Variants in CDC42BPA observed in about 807,000 individuals in gnomAD.
The protein encoded by CDC42BPA is serine/threonine-protein kinase MRCK alpha.
CDC42BPA carries 80 observed loss-of-function variants against 223.5 expected under a neutral mutation model. The ratio of observed to expected loss-of-function variants is 0.36; its 90% CI spans 0.30 to 0.43. CDC42BPA has a LOEUF of 0.43. Ranked by LOEUF, CDC42BPA falls within the 20% of genes least tolerant of loss-of-function variation. The probability of loss-of-function intolerance (pLI) is 1.00; values close to 1 mark genes in which losing one functional copy is unlikely to be tolerated. For missense variants in CDC42BPA, 1,743 were observed against 2,099.9 expected (o/e 0.83, Z 3.32); for synonymous variants, 694 against 718.6 (o/e 0.97, Z 0.55).
chr1:227,227,517 T>C (rs2147934734), intron 2 of CDC42BPA, among the ~76,000 whole-genome samples: 1 of 152,318 alleles, frequency 6.6e-6, no homozygotes, highest in South Asian at 2.1e-4. Context: ...TTCCTATATA[T>C]CATAAATGTG....
At chr1:227,120,969 T>C (rs1427477390) in intron 11 of CDC42BPA, among the ~76,000 whole-genome samples, 1 of 152,182 alleles carries the variant, frequency 6.6e-6, no homozygotes, top group Non-Finnish European at 1.5e-5. Context: ...ATCCCTCGCA[T>C]GAGCAGTTCA....
chr1:227,017,883 G>A (rs1666600063), intron 32 of CDC42BPA, among the ~76,000 whole-genome samples: 1 of 151,986 alleles, frequency 6.6e-6, no homozygotes, highest in South Asian at 2.1e-4. Flanking sequence ...CACCCAAAAA[G>A]CTGAAGTGAG....
chr1:227,016,839 T>C, intron 33 of CDC42BPA, 88 bp downstream of exon 33: 1 of 1,327,570 alleles, frequency 7.5e-7, no homozygotes, highest in Non-Finnish European at 1.0e-6. Flanking sequence ...GATACCCAAT[T>C]TTCCTTCCAA....
At chr1:227,287,879 A>G (rs1689056688) in intron 1 of CDC42BPA, among the ~76,000 whole-genome samples, 1 of 152,206 alleles carries the variant, frequency 6.6e-6, no homozygotes, top group African/African-American at 2.4e-5. Context: ...CTGTAGGGCA[A>G]TGAGTTTCTC....
At chr1:227,028,259 C>T (rs947316801) in intron 30 of CDC42BPA, among the ~76,000 whole-genome samples, 11 of 152,060 alleles carry the variant, frequency 7.2e-5, no homozygotes, top group Admixed American at 3.3e-4. Flanking sequence ...TTACATTATA[C>T]CTTTACATAC....
intron 3 of CDC42BPA, among the ~76,000 whole-genome samples, chr1:227,200,151 C>T (rs548523052): frequency 6.6e-6 from 1 of 152,062 alleles, no homozygotes; most frequent in Admixed American, 6.6e-5. Context: ...TTTTCATGGG[C>T]CGGGCGCAGT....
At position 226,993,568 on chromosome 1, in the gene CDC42BPA, A is replaced by T. The variant is rs1441700798; in HGVS notation, c.*700T>A. 1 of 152,674 alleles carries T rather than the reference A, an allele frequency of 6.5e-6. No individual in the cohort carries two copies. The highest frequency in any genetic ancestry group is 1.5e-5 in the Non-Finnish European group (1 of 68,050). 9.5% of individuals were successfully genotyped at this position (152,674 alleles called of 1,614,324 possible). ...CTGATTTCTCTCGCTCTCTCTCTACAAATGTGAGCTTGAGGCCTTTCCACC... is the reference window on the plus strand; with the variant it reads ...CTGATTTCTCTCGCTCTCTCTCTACTAATGTGAGCTTGAGGCCTTTCCACC... On this transcript the variant is annotated 3_prime_UTR_variant, in exon 37 of 37. Coordinates refer to ENST00000366766, the MANE Select transcript of CDC42BPA (RefSeq NM_001394014.1).
chr1:227,006,400 G>C (rs1306593129), intron 34 of CDC42BPA, among the ~76,000 whole-genome samples: 2 of 152,184 alleles, frequency 1.3e-5, no homozygotes, highest in Admixed American at 6.5e-5. Flanking sequence ...TCACATCTGT[G>C]CTGCACAGCT....
chr1:227,003,251 G>A (rs756531421), intron 35 of CDC42BPA, among the ~76,000 whole-genome samples: 6 of 152,170 alleles, frequency 3.9e-5, no homozygotes, highest in Non-Finnish European at 5.9e-5. Flanking sequence ...ATGTGAAATT[G>A]GATTTAGTGC....
rs1339984227 is a variant in CDC42BPA at position 226,994,996 on chromosome 1, C to A, written c.4976-16G>T. 1 of 1,606,020 alleles carries A rather than the reference C, an allele frequency of 6.2e-7. No homozygotes were observed. Among genetic ancestry groups the A allele is most frequent in the East Asian group, 2.2e-5 (1 of 44,660 alleles). On this transcript the variant is annotated splice_polypyrimidine_tract_variant and intron_variant, in intron 35 of 36. Coordinates refer to ENST00000366766, the MANE Select transcript of CDC42BPA (RefSeq NM_001394014.1). The surrounding 1 kb of genome is among the most constrained non-coding windows in gnomAD (Gnocchi z 4.0). ...GCGGATGACCCTACAGTACATCATG[C>A]AGGCAAAATTTTACATATGCAGAGG...
intron 32 of CDC42BPA, among the ~76,000 whole-genome samples, chr1:227,019,731 A>G (rs987078689): frequency 9.9e-5 from 15 of 152,178 alleles, no homozygotes; most frequent in South Asian, 8.3e-4. Flanking sequence ...TGGGTGACTT[A>G]GGTGCATTGT....
chr1:227,288,397 C>A (rs1002187141), intron 1 of CDC42BPA, among the ~76,000 whole-genome samples: 1 of 151,772 alleles, frequency 6.6e-6, no homozygotes, highest in Non-Finnish European at 1.5e-5. Flanking sequence ...AATGAAAAAT[C>A]TTAAAATTAA....
intron 20 of CDC42BPA, 127 bp downstream of exon 20, chr1:227,072,081 T>A: frequency 1.8e-6 from 1 of 566,794 alleles, no homozygotes; most frequent in Non-Finnish European, 3.1e-6. Context: ...CGTATATTCA[T>A]AAATGAGTGC....
At chr1:227,269,650 T>C (rs942003005) in intron 1 of CDC42BPA, among the ~76,000 whole-genome samples, 1 of 152,016 alleles carries the variant, frequency 6.6e-6, no homozygotes, top group Non-Finnish European at 1.5e-5. Context: ...ACATAGAACA[T>C]ACAGATTTTA....
chr1:227,271,139 G>C (rs968308785), intron 1 of CDC42BPA, among the ~76,000 whole-genome samples: 2 of 152,086 alleles, frequency 1.3e-5, no homozygotes, highest in Non-Finnish European at 2.9e-5. Context: ...GTGATATCTG[G>C]TGCATAAAAT....
chr1:227,149,304 C>T (rs1381442547), intron 6 of CDC42BPA, among the ~76,000 whole-genome samples: 4 of 152,148 alleles, frequency 2.6e-5, no homozygotes, highest in East Asian at 1.9e-4. Context: ...GCCAAGAAAC[C>T]GGCATTAACA....
intron 5 of CDC42BPA, among the ~76,000 whole-genome samples, chr1:227,161,060 A>C (rs1461509066): frequency 6.6e-6 from 1 of 152,230 alleles, no homozygotes; most frequent in Non-Finnish European, 1.5e-5. Context: ...CAGATAGATA[A>C]AGTCTCAATT....
At chr1:227,263,489 GACT>G (rs1451705827) in intron 1 of CDC42BPA, among the ~76,000 whole-genome samples, 1 of 151,938 alleles carries the variant, frequency 6.6e-6, no homozygotes, top group Non-Finnish European at 1.5e-5. Flanking sequence ...CTCTTCCACT[GACT>G]ACAAGTCATT....
intron 1 of CDC42BPA, among the ~76,000 whole-genome samples, chr1:227,295,827 T>TG (rs1297502249): frequency 6.6e-6 from 1 of 152,174 alleles, no homozygotes; most frequent in Non-Finnish European, 1.5e-5. Flanking sequence ...GGGAATAAAG[T>TG]GGGGAAAGCC....
Sources: gnomAD v4.1 joint callset for allele counts (sites outside exome capture counted in the v4.1 genomes callset) on GRCh38, gnomAD v4.1.1 for gene constraint, Gnocchi (gnomAD v3.1) non-coding constraint, MANE v1.5 for transcripts, NCBI Gene and HGNC (gene_info 2026-07-23, HGNC 2026-07-21) for gene names.